Variants in DDX4 observed in about 807,000 individuals in gnomAD.
DDX4 encodes the protein probable ATP-dependent RNA helicase DDX4.
In DDX4, 25 loss-of-function variants were observed where a neutral mutation model predicts 100.0. The observed-to-expected ratio is 0.25, with a 90% CI of 0.18 to 0.35. DDX4 has a LOEUF of 0.35. Ranked by LOEUF, DDX4 falls within the 10% of genes least tolerant of loss-of-function variation. The probability of loss-of-function intolerance (pLI) is 1.00; values close to 1 mark genes in which losing one functional copy is unlikely to be tolerated. For missense variants in DDX4, 635 were observed against 882.4 expected (o/e 0.72, Z 3.55); for synonymous variants, 259 against 275.7 (o/e 0.94, Z 0.60).
intron 2 of DDX4, among the ~76,000 whole-genome samples, chr5:55,739,533 G>C (rs145753007): frequency 6.6e-6 from 1 of 152,112 alleles, no homozygotes; most frequent in Non-Finnish European, 1.5e-5. Flanking sequence ...AGGGGACAGT[G>C]GGGTAAGTTT....
At chr5:55,793,157 A>T (rs1463384040) in intron 17 of DDX4, among the ~76,000 whole-genome samples, 1 of 151,926 alleles carries the variant, frequency 6.6e-6, no homozygotes. Context: ...TTCAAACCTA[A>T]ATCTATAGGA....
At chr5:55,779,580 GT>G (rs1338149092) in intron 7 of DDX4, among the ~76,000 whole-genome samples, 1 of 152,158 alleles carries the variant, frequency 6.6e-6, no homozygotes, top group Non-Finnish European at 1.5e-5. Context: ...TGTGCTTTGA[GT>G]AAGATGTTTA....
intron 3 of DDX4, among the ~76,000 whole-genome samples, chr5:55,755,999 A>C (rs1048292129): frequency 1.3e-5 from 2 of 152,134 alleles, no homozygotes; most frequent in African/African-American, 4.8e-5. Flanking sequence ...GGCGTCATAC[A>C]TTGTGTTCTT....
At chr5:55,811,456 A>C (rs1046827191) in intron 18 of DDX4, among the ~76,000 whole-genome samples, 2 of 152,186 alleles carry the variant, frequency 1.3e-5, no homozygotes, top group Non-Finnish European at 2.9e-5. Flanking sequence ...TCAAATAAAG[A>C]TTATCTTGGT....
chr5:55,784,694 A>T (rs182514753), intron 10 of DDX4, among the ~76,000 whole-genome samples: 176 of 152,328 alleles, frequency 1.2e-3, no homozygotes, highest in African/African-American at 3.9e-3. Context: ...AGGTGAGTAC[A>T]TTATTAGCCC....
At position 55,789,806 on chromosome 5, in the gene DDX4, A is replaced by G. The variant is rs1202991671; in HGVS notation, c.1173-770A>G. ...CACACTCATGAGGCCAGCCTTACCCACACTGAAGGGGGAAGGTAGAATCCA... is the reference window on the plus strand; with the variant it reads ...CACACTCATGAGGCCAGCCTTACCCGCACTGAAGGGGGAAGGTAGAATCCA... On this transcript the variant is annotated intron_variant, in intron 15 of 21. Transcript: ENST00000505374. 2.0e-5 allele frequency among the ~76,000 whole-genome samples: 3 copies of G among 152,202 alleles called. No individual in the cohort carries two copies. The East Asian group carries it at 5.8e-4, about 29-fold the overall frequency.
chr5:55,759,762 A>G (rs1760191436), intron 3 of DDX4, among the ~76,000 whole-genome samples: 1 of 152,206 alleles, frequency 6.6e-6, no homozygotes, highest in African/African-American at 2.4e-5. Context: ...GTACTTTCAG[A>G]GTATATGCCT....
At chr5:55,739,314 A>G (rs1258013579) in intron 2 of DDX4, among the ~76,000 whole-genome samples, 1 of 152,210 alleles carries the variant, frequency 6.6e-6, no homozygotes, top group Non-Finnish European at 1.5e-5. Context: ...AACTTGGGCA[A>G]ATGTGGTTGA....
intron 16 of DDX4, among the ~76,000 whole-genome samples, chr5:55,791,557 T>C (rs1019300541): frequency 1.3e-5 from 2 of 152,318 alleles, no homozygotes; most frequent in Admixed American, 6.5e-5. Flanking sequence ...GAGAATTTAC[T>C]AAGGATTTAA....
intron 3 of DDX4, among the ~76,000 whole-genome samples, chr5:55,757,677 C>A (rs1441914706): frequency 6.6e-6 from 1 of 152,036 alleles, no homozygotes; most frequent in African/African-American, 2.4e-5. Flanking sequence ...AAGACCTTTT[C>A]ATGAAAAAAA....
At chr5:55,752,688 G>T (rs78608888) in intron 3 of DDX4, among the ~76,000 whole-genome samples, 13,034 of 143,550 alleles carry the variant, frequency 0.091, 878 homozygotes, top group East Asian at 0.26. Flanking sequence ...TAGTCCTTTG[G>T]GTATATACCC....
intron 6 of DDX4, among the ~76,000 whole-genome samples, chr5:55,765,413 A>AAAAATATATATATAT (rs1392558099): frequency 2.4e-5 from 2 of 83,008 alleles, no homozygotes; most frequent in East Asian, 3.9e-4. Flanking sequence ...AAAAAAAAAA[A>AAAAATATATATATAT]ATATATATAT....
intron 7 of DDX4, among the ~76,000 whole-genome samples, chr5:55,778,865 A>G (rs181507468): frequency 4.2e-4 from 62 of 149,246 alleles, no homozygotes; most frequent in Admixed American, 8.8e-4. Flanking sequence ...CTGCACTCCA[A>G]CCTGGGTGAC....
At chr5:55,775,003 G>A (rs889910327) in intron 7 of DDX4, among the ~76,000 whole-genome samples, 6 of 152,084 alleles carry the variant, frequency 3.9e-5, no homozygotes, top group East Asian at 1.9e-4. Flanking sequence ...TTTGTATTCC[G>A]TTAGACAACA....
chr5:55,799,810 A>G (rs1743185042), intron 18 of DDX4, among the ~76,000 whole-genome samples: 1 of 152,160 alleles, frequency 6.6e-6, no homozygotes, highest in African/African-American at 2.4e-5. Flanking sequence ...TACATGTTAC[A>G]CTTTCTCCAT....
intron 18 of DDX4, among the ~76,000 whole-genome samples, chr5:55,803,837 T>G (rs1306900768): frequency 6.6e-6 from 1 of 152,190 alleles, no homozygotes; most frequent in Non-Finnish European, 1.5e-5. Flanking sequence ...TTTGGGTATG[T>G]ACCCAGTAAT....
chr5:55,806,942 AT>A (rs1205321540), intron 18 of DDX4, among the ~76,000 whole-genome samples: 9 of 152,014 alleles, frequency 5.9e-5, no homozygotes, highest in Non-Finnish European at 1.2e-4. Flanking sequence ...TCCCATTATT[AT>A]TGTGTGAGAG....
rs1743107273 is a variant in DDX4, at chr5:55,798,576, C to T, written c.1615+5C>T. 1 of 1,578,800 alleles carries T rather than the reference C, an allele frequency of 6.3e-7. No homozygotes were observed. The highest frequency in any genetic ancestry group is 8.6e-7 in the Non-Finnish European group (1 of 1,167,238). ...TTGAAATTCTGCGAAACATAGGTATCTTACGTTGATACATTTTTTTGTCAT... is the reference window on the plus strand; with the variant it reads ...TTGAAATTCTGCGAAACATAGGTATTTTACGTTGATACATTTTTTTGTCAT... On this transcript the variant is annotated splice_donor_5th_base_variant and intron_variant, in intron 18 of 21. Transcript: ENST00000505374.
chr5:55,747,610 G>A (rs1759312571), intron 3 of DDX4, among the ~76,000 whole-genome samples: 1 of 152,168 alleles, frequency 6.6e-6, no homozygotes, highest in East Asian at 1.9e-4. Flanking sequence ...CCATTTTAAT[G>A]TGTACAGTTC....
Sources: gnomAD v4.1 joint callset for allele counts (sites outside exome capture counted in the v4.1 genomes callset) on GRCh38, gnomAD v4.1.1 for gene constraint, MANE v1.5 for transcripts, NCBI Gene and HGNC (gene_info 2026-07-23, HGNC 2026-07-21) for gene names.